The following FABP6 variants were observed in gnomAD, a reference collection of about 807,000 sequenced individuals.
The protein encoded by FABP6 is gastrotropin.
Under a neutral mutation model 14.9 loss-of-function variants are expected in FABP6, and 13 were observed. That is an observed-to-expected ratio of 0.87 (90% CI 0.57 to 1.39). FABP6 has a LOEUF of 1.39. Ranked by LOEUF, FABP6 falls within the 40% of genes most tolerant of loss-of-function variation. The pLI is 0.00. For synonymous variants in FABP6, 75 were observed against 63.6 expected (o/e 1.18, Z -0.85); for missense variants, 161 against 167.2 (o/e 0.96, Z 0.20).
upstream of FABP6, among the ~76,000 whole-genome samples, chr5:160,225,986 C>T (rs575893323): frequency 2.0e-5 from 3 of 151,750 alleles, no homozygotes; most frequent in African/African-American, 7.2e-5. Flanking sequence ...CCAGCCTGGC[C>T]AACATGGCAA....
chr5:160,198,464 A>G (rs529809467), intron 1 of FABP6: 3 of 152,502 alleles, frequency 2.0e-5, no homozygotes, highest in East Asian at 1.9e-4. Context: ...CCTTCTTCCT[A>G]TCATGTGTTC....
intron 1 of FABP6, among the ~76,000 whole-genome samples, chr5:160,231,304 T>C (rs1032442532): frequency 5.3e-5 from 8 of 152,236 alleles, no homozygotes; most frequent in Admixed American, 5.2e-4. Context: ...ATTCGGTCAT[T>C]AAATTTCAGT....
intron 3 of FABP6, among the ~76,000 whole-genome samples, chr5:160,220,793 A>G (rs937373677): frequency 2.0e-5 from 3 of 151,926 alleles, no homozygotes. Flanking sequence ...GTCTCCTACA[A>G]GATTTGAGGA....
intron 1 of FABP6, among the ~76,000 whole-genome samples, chr5:160,231,508 C>T (rs1397415300): frequency 6.6e-6 from 1 of 152,184 alleles, no homozygotes; most frequent in Admixed American, 6.5e-5. Context: ...ATTCTTTTGC[C>T]TCAGCCTCTC....
chr5:160,212,223 C>T (rs900826811), intron 2 of FABP6, among the ~76,000 whole-genome samples: 4 of 152,014 alleles, frequency 2.6e-5, no homozygotes, highest in Non-Finnish European at 5.9e-5. Context: ...GTCACAATCT[C>T]GGCTCACTGC....
At chr5:160,212,728 CAA>C (rs1740902524) in intron 2 of FABP6, among the ~76,000 whole-genome samples, 1 of 152,184 alleles carries the variant, frequency 6.6e-6, no homozygotes, top group African/African-American at 2.4e-5. Flanking sequence ...CTCAGCCTCC[CAA>C]AGTGTTGGGA....
intron 2 of FABP6, among the ~76,000 whole-genome samples, chr5:160,202,621 C>T (rs1470424179): frequency 2.0e-5 from 3 of 151,850 alleles, no homozygotes; most frequent in East Asian, 3.9e-4. Context: ...ACGGTGAAAC[C>T]CCGTCTCTAC....
intron 2 of FABP6, among the ~76,000 whole-genome samples, chr5:160,208,562 T>C (rs528184907): frequency 5.9e-5 from 9 of 152,336 alleles, no homozygotes; most frequent in African/African-American, 1.9e-4. Flanking sequence ...ATGAAGACTC[T>C]GCCCTCATTA....
chr5:160,228,842 C>T (rs529893834), upstream of FABP6: 10 of 276,876 alleles, frequency 3.6e-5, no homozygotes, highest in African/African-American at 8.7e-5. Flanking sequence ...TCACACTGTT[C>T]CCTCGTCCTA....
chr5:160,219,014 T>C (rs903889774), intron 3 of FABP6, among the ~76,000 whole-genome samples: 1 of 152,174 alleles, frequency 6.6e-6, no homozygotes, highest in East Asian at 1.9e-4. Context: ...AGAGTAAAAC[T>C]AGAAGTATCA....
At chr5:160,191,067 C>T (rs1261413361) in intron 1 of FABP6, among the ~76,000 whole-genome samples, 1 of 128,646 alleles carries the variant, frequency 7.8e-6, no homozygotes, top group Non-Finnish European at 1.6e-5. Flanking sequence ...CCAGCCTAGG[C>T]AACAAGAGCA....
chr5:160,204,024 A>C (rs1406595728), intron 2 of FABP6, among the ~76,000 whole-genome samples: 2 of 151,892 alleles, frequency 1.3e-5, no homozygotes, highest in African/African-American at 4.8e-5. Context: ...TTCATCTGTA[A>C]ATATTTCAGT....
chr5:160,233,803 C>T (rs751172503), intron 2 of FABP6, among the ~76,000 whole-genome samples: 2 of 149,482 alleles, frequency 1.3e-5, no homozygotes, highest in Non-Finnish European at 3.0e-5. Flanking sequence ...ACCCTGGAGG[C>T]GGAGGTTACA....
intron 3 of FABP6, among the ~76,000 whole-genome samples, chr5:160,224,429 A>G (rs1456125317): frequency 6.6e-6 from 1 of 152,048 alleles, no homozygotes; most frequent in Non-Finnish European, 1.5e-5. Flanking sequence ...TCTCAACAAC[A>G]AAAGAAATTA....
chr5:160,217,511 C>T (rs1434043974), intron 3 of FABP6, among the ~76,000 whole-genome samples: 1 of 152,096 alleles, frequency 6.6e-6, no homozygotes, highest in South Asian at 2.1e-4. Context: ...GCCAGCCTGC[C>T]CCAACAGTTA....
Position 160,232,104 on chromosome 5 carries a change from C to T in FABP6, c.74C>T (p.Ser25Phe). The T allele has an allele frequency of 6.2e-7, 1 of 1,613,926 alleles. No individual in the cohort carries two copies. ...TGCTTGTCCCCGGGTCCAGGGATCT[C>T]CAGCGATGTAATCGAAAAGGCCCGC... is the stretch of plus-strand genomic sequence containing the variant. ...YDEFMKLLGI[S>F]SDVIEKARNF... Residue 25 changes from serine (S) to phenylalanine (F), a missense_variant, in exon 2 of 4, where the codon TCC (serine) becomes TTC (phenylalanine). Coordinates refer to ENST00000402432, the MANE Select transcript of FABP6 (RefSeq NM_001445.3).
intron 2 of FABP6, among the ~76,000 whole-genome samples, chr5:160,212,845 G>A (rs1759920952): frequency 6.6e-6 from 1 of 152,090 alleles, no homozygotes; most frequent in African/African-American, 2.4e-5. Flanking sequence ...TTGAACTGCT[G>A]ACCTCAAGTG....
intron 3 of FABP6, among the ~76,000 whole-genome samples, chr5:160,221,367 A>G (rs1319719515): frequency 2.0e-5 from 3 of 152,132 alleles, no homozygotes; most frequent in Non-Finnish European, 4.4e-5. Flanking sequence ...GCGGGGGTGA[A>G]GGACAATTAG....
intron 1 of FABP6, among the ~76,000 whole-genome samples, chr5:160,193,884 G>A (rs1036797094): frequency 4.6e-5 from 7 of 152,348 alleles, no homozygotes; most frequent in East Asian, 3.9e-4. Context: ...CCAGTCACGC[G>A]CCATGCGCTC....
Sources: allele counts gnomAD v4.1 joint callset (sites outside exome capture counted in the v4.1 genomes callset), GRCh38; gene constraint gnomAD v4.1.1; transcripts MANE v1.5; gene names NCBI Gene and HGNC (gene_info 2026-07-23, HGNC 2026-07-21).